Variants in ZSCAN5B observed in about 807,000 individuals in gnomAD.
The protein encoded by ZSCAN5B is zinc finger and SCAN domain containing 5B, also known as zinc finger and SCAN domain-containing protein 5B.
A neutral mutation model predicts 25.2 loss-of-function variants in ZSCAN5B; 26 were observed. The ratio of observed to expected loss-of-function variants is 1.03; its 90% confidence interval spans 0.76 to 1.43. The LOEUF is 1.43. Ranked by LOEUF, ZSCAN5B falls within the 40% of genes most tolerant of loss-of-function variation. ZSCAN5B has a pLI of 0.00. For synonymous variants in ZSCAN5B, 244 were observed against 240.9 expected (o/e 1.01, Z -0.12); for missense variants, 745 against 622.1 (o/e 1.20, Z -2.10).
chr19:56,194,542 G>A (rs555562822), intron 1 of ZSCAN5B, among the ~76,000 whole-genome samples: 6 of 152,216 alleles, frequency 3.9e-5, no homozygotes, highest in African/African-American at 1.2e-4. Context: ...CGATGCGCTT[G>A]CTTTGGCCTC....
chr19:56,190,257 G>C (rs200185124), exon 5 of ZSCAN5B: 4 of 1,614,056 alleles, frequency 2.5e-6, no homozygotes, highest in Non-Finnish European at 3.4e-6. Context: ...TGCAAAGGGC[G>C]GCAGGGCCTT....
At chr19:56,190,288 G>A in exon 5 of ZSCAN5B, 1 of 1,614,226 alleles carries the variant, frequency 6.2e-7, no homozygotes, top group East Asian at 2.2e-5. Flanking sequence ...CCATCTGGGT[G>A]ACTGACCGGG....
chr19:56,193,718 T>C (rs1323929335), intron 1 of ZSCAN5B, among the ~76,000 whole-genome samples: 1 of 152,100 alleles, frequency 6.6e-6, no homozygotes, highest in Non-Finnish European at 1.5e-5. Context: ...ATCCCAGCAC[T>C]TTGGGAGGCC....
chr19:56,194,248 T>C (rs544968208), intron 1 of ZSCAN5B, among the ~76,000 whole-genome samples: 1 of 152,256 alleles, frequency 6.6e-6, no homozygotes, highest in South Asian at 2.1e-4. Context: ...TAAAATGGAT[T>C]AAAGTCTTAT....
chr19:56,189,847 G>T, exon 5 of ZSCAN5B: 7 of 1,609,460 alleles, frequency 4.3e-6, no homozygotes, highest in Non-Finnish European at 6.0e-6. Context: ...GTGGTTTCCC[G>T]GTGTGTTTTC....
Position 56,189,873 on chromosome 19 carries a change from GT to G in ZSCAN5B, c.1441del (p.Thr481HisfsTer6). 1 of 1,613,858 alleles carries G rather than the reference GT, an allele frequency of 6.2e-7. No homozygotes were observed. Among genetic ancestry groups the G allele is most frequent in the East Asian group, 2.2e-5 (1 of 44,876 alleles). ...GTGTGTTTTCAGGTGACGCTTGAAT[GT>G]CCCCAGCTGACGGAAGGCCTTTTGA... On this transcript the variant is annotated frameshift_variant, in exon 5 of 5. Transcript: ENST00000586855. LOFTEE classifies it low-confidence loss of function (END_TRUNC).
exon 5 of ZSCAN5B, chr19:56,189,686 T>C: frequency 5.7e-6 from 6 of 1,053,738 alleles, no homozygotes. Context: ...AAAACAAAAC[T>C]CATGGGGGAG....
chr19:56,191,964 C>G (rs368100277), exon 3 of ZSCAN5B: 2 of 1,614,070 alleles, frequency 1.2e-6, no homozygotes, highest in Admixed American at 1.7e-5. Flanking sequence ...ACACGTCTCT[C>G]GGATCATCTC....
chr19:56,194,707 G>C (rs1209660650), intron 1 of ZSCAN5B, among the ~76,000 whole-genome samples: 1 of 152,060 alleles, frequency 6.6e-6, no homozygotes, highest in African/African-American at 2.4e-5. Context: ...AACCTCTGCT[G>C]CCCAGGTTCA....
At chr19:56,193,764 C>G (rs1041208874) in intron 1 of ZSCAN5B, among the ~76,000 whole-genome samples, 1 of 152,000 alleles carries the variant, frequency 6.6e-6, no homozygotes, top group Non-Finnish European at 1.5e-5. Context: ...AGATCGAGAC[C>G]ATCCTGGCTA....
chr19:56,196,617 G>GAGAA (rs1568587099), intron 1 of ZSCAN5B, among the ~76,000 whole-genome samples: 1 of 152,058 alleles, frequency 6.6e-6, no homozygotes, highest in Non-Finnish European at 1.5e-5. Context: ...TTCTCAATTT[G>GAGAA]AAAGTAAATT....
exon 5 of ZSCAN5B, chr19:56,190,261 G>A (rs1369638432): frequency 6.2e-7 from 1 of 1,614,202 alleles, no homozygotes; most frequent in Non-Finnish European, 8.5e-7. Flanking sequence ...AAGGGCGGCA[G>A]GGCCTTGGCT....
exon 5 of ZSCAN5B, chr19:56,190,040 G>A (rs779599874): frequency 4.0e-5 from 64 of 1,613,056 alleles, no homozygotes; most frequent in Non-Finnish European, 5.2e-5. Flanking sequence ...GGCCCTGTAA[G>A]GTGGACTCGT....
Position 56,190,202 on chromosome 19 carries a change from G to T in ZSCAN5B, c.1113C>A (p.Ser371Arg), listed in dbSNP as rs189564920. The change falls in exon 5 of 5, where the codon AGC becomes AGA. Residue 371 changes from serine to arginine, a missense_variant. By Grantham distance (110) the Ser-to-Arg change is moderately radical. Transcript: ENST00000586855. ...CTCCTGTGTGTGACCTCCTGTGGAT[G>T]CTTAGCTGGGAAAAATACTTAAATG... The T allele has an allele frequency of 6.8e-6, 11 of 1,614,086 alleles. No homozygotes were observed. The East Asian group carries it at 1.1e-4, about 16-fold the overall frequency.
At chr19:56,191,095 C>A in intron 3 of ZSCAN5B, 108 bp from the exon 4 acceptor site, 1 of 1,473,498 alleles carries the variant, frequency 6.8e-7, no homozygotes, top group South Asian at 1.2e-5. Flanking sequence ...TGGACCACCC[C>A]ATCACCCCAA....
At chr19:56,191,439 T>A (rs2032731749) in intron 3 of ZSCAN5B, among the ~76,000 whole-genome samples, 1 of 152,104 alleles carries the variant, frequency 6.6e-6, no homozygotes, top group Non-Finnish European at 1.5e-5. Context: ...GCCAAATGTG[T>A]CCTTAAAGGC....
chr19:56,191,137 C>T (rs1293278114), intron 3 of ZSCAN5B, 150 bp from the exon 4 acceptor site: 8 of 1,055,148 alleles, frequency 7.6e-6, no homozygotes, highest in African/African-American at 1.6e-5. Flanking sequence ...CTGCGTCTGT[C>T]CCTAATCTGC....
chr19:56,192,192 G>C (rs2032746446), intron 2 of ZSCAN5B, 139 bp from the exon 3 acceptor site: 1 of 835,344 alleles, frequency 1.2e-6, no homozygotes, highest in African/African-American at 1.7e-5. Context: ...CAGCTCTGTG[G>C]ACACAGCAAT....
exon 3 of ZSCAN5B, chr19:56,192,006 A>C: frequency 6.2e-7 from 1 of 1,613,892 alleles, no homozygotes; most frequent in Non-Finnish European, 8.5e-7. Flanking sequence ...CCATCTCGAC[A>C]TCTGAGTTCA....
Sources: allele counts gnomAD v4.1 joint callset (sites outside exome capture counted in the v4.1 genomes callset), GRCh38; gene constraint gnomAD v4.1.1; transcripts MANE v1.5; gene names NCBI Gene and HGNC (gene_info 2026-07-23, HGNC 2026-07-21).